Variants in ZNF335 observed in about 807,000 individuals in gnomAD.
The protein encoded by ZNF335 is zinc finger protein 335.
In ZNF335, 84 loss-of-function variants were observed where a neutral mutation model predicts 145.6. The ratio of observed to expected loss-of-function variants is 0.58; its 90% CI spans 0.48 to 0.69. The LOEUF (loss-of-function observed/expected upper bound fraction) is 0.69. Among genes scored for constraint, ZNF335 ranks in the 30% least tolerant of loss-of-function variants. The pLI, the probability that ZNF335 is intolerant of heterozygous loss-of-function variation, is 0.00. For synonymous variants in ZNF335, 761 were observed against 717.0 expected, an observed-to-expected ratio of 1.06 and a Z score of -0.98; for missense variants, 1,865 against 1,809.7, an observed-to-expected ratio of 1.03 and a Z score of -0.55.
At chr20:45,965,384 C>A (rs2083932207) in intron 7 of ZNF335, among the ~76,000 whole-genome samples, 1 of 152,188 alleles carries the variant, frequency 6.6e-6, no homozygotes, top group Non-Finnish European at 1.5e-5. Context: ...TCCCAAATTT[C>A]TCTTTTGCTA....
intron 9 of ZNF335, among the ~76,000 whole-genome samples, chr20:45,962,606 G>A (rs938479805): frequency 3.9e-5 from 6 of 152,146 alleles, no homozygotes; most frequent in Non-Finnish European, 7.3e-5. Context: ...GTGCCCGGAA[G>A]TACCCTCTCC....
chr20:45,969,653 C>G lies in ZNF335; in HGVS notation c.240G>C (p.Leu80=), dbSNP rs1192358975. The G allele has an allele frequency of 6.2e-7, 1 of 1,612,224 alleles. No homozygotes were observed. The highest frequency in any genetic ancestry group is 8.5e-7 in the Non-Finnish European group (1 of 1,179,254). ...VSESSSSADP[L]PNSYLPDSSS... ...ATGAATCAGGGAGGTAGCTATTAGGCAGGGGGTCTGCGCTCGAGCTGCTCT... is the reference window on the plus strand; with the variant it reads ...ATGAATCAGGGAGGTAGCTATTAGGGAGGGGGTCTGCGCTCGAGCTGCTCT... The change falls in exon 3 of 28, where the codon CTG becomes CTC. Residue 80 remains leucine (L), a synonymous_variant. Coordinates refer to ENST00000322927, the MANE Select transcript of ZNF335 (RefSeq NM_022095.4).
chr20:45,952,100 G>A (rs1308508477), intron 20 of ZNF335, 47 bp downstream of exon 20: 22 of 1,543,516 alleles, frequency 1.4e-5, no homozygotes, highest in Non-Finnish European at 1.8e-5. Flanking sequence ...ATACAAACGA[G>A]TAGCCCAATG....
rs2083992881 is a variant in ZNF335, at chr20:45,968,033, G to A, written c.521-6C>T. ...TGGTGATGTCATGGGGGCTCCTGGG[G>A]ATGGGTGAGGCAATTGGAGGGTGGT... On this transcript the variant is annotated splice_region_variant and splice_polypyrimidine_tract_variant and intron_variant, in intron 4 of 27. Transcript: ENST00000322927. 1 of 1,612,236 alleles carries A rather than the reference G, an allele frequency of 6.2e-7. No individual in the cohort carries two copies. The highest frequency in any genetic ancestry group is 1.3e-5 in the African/African-American group (1 of 74,902).
intron 4 of ZNF335, 49 bp downstream of exon 4, chr20:45,968,236 T>A (rs766846177): frequency 1.3e-6 from 2 of 1,582,176 alleles, no homozygotes; most frequent in South Asian, 1.1e-5. Flanking sequence ...TCCTCACCTA[T>A]CCCCCTGCCC....
chr20:45,965,839 T>C (rs1600545134), intron 6 of ZNF335, 65 bp from the exon 7 acceptor site: 1 of 1,525,968 alleles, frequency 6.6e-7, no homozygotes, highest in Non-Finnish European at 8.8e-7. Flanking sequence ...CCCTGACCCC[T>C]TGCCCAGCTC....
Position 45,963,863 on chromosome 20 carries a change from A to G in ZNF335, c.1230T>C (p.Pro410=). The G allele has an allele frequency of 6.2e-7, 1 of 1,611,330 alleles. No individual in the cohort carries two copies. The highest frequency in any genetic ancestry group is 8.5e-7 in the Non-Finnish European group (1 of 1,178,348). The change falls in exon 8 of 28, where the codon CCT becomes CCC. Residue 410 remains proline, a synonymous_variant. Coordinates refer to ENST00000322927, the MANE Select transcript of ZNF335 (RefSeq NM_022095.4). ...CTGACTGGCTCACACCAGCTTCCACAGGGGTCCTGCTCACCTTGCCCATGG... is the reference window on the plus strand; with the variant it reads ...CTGACTGGCTCACACCAGCTTCCACGGGGGTCCTGCTCACCTTGCCCATGG... The part of the protein sequence containing the change: ...LVAMGKVSRT[P]VEAGVSQSDA...
Position 45,950,081 on chromosome 20 carries a change from G to A in ZNF335, c.3488-12C>T, listed in dbSNP as rs749471336. 6.2e-6 allele frequency: 10 copies of A among 1,612,890 alleles called. No individual in the cohort carries two copies. The highest frequency in any genetic ancestry group is 4.0e-5 in the African/African-American group (3 of 74,916). On this transcript the variant is annotated splice_polypyrimidine_tract_variant and intron_variant, in intron 22 of 27. Coordinates refer to ENST00000322927, the MANE Select transcript of ZNF335 (RefSeq NM_022095.4). ...GGACTGGAGTGCAGCTGGGCAGAGA[G>A]GAGAGGATGCTCACCTGGGGTCCAG... is the stretch of plus-strand genomic sequence containing the variant.
In ZNF335 at chr20:45,967,943, G is replaced by A; in HGVS notation, c.605C>T (p.Ser202Phe). ...AIEALADGPT[S>F]TSTCLEAQGG... Reference sequence around the variant, plus strand: ...CTGTGCCTCCAGGCATGTGGATGTGGATGTGGGGCCATCTGCCAGGGCCTC... The same window carrying A: ...CTGTGCCTCCAGGCATGTGGATGTGAATGTGGGGCCATCTGCCAGGGCCTC... Residue 202 changes from serine (S) to phenylalanine (F), a missense_variant, in exon 5 of 28, where the codon TCC (serine) becomes TTC (phenylalanine). Ser to Phe is a radical substitution (Grantham distance 155). Coordinates refer to ENST00000322927, the MANE Select transcript of ZNF335 (RefSeq NM_022095.4). 1 of 1,612,888 alleles carries A rather than the reference G, an allele frequency of 6.2e-7. No homozygotes were observed. Among genetic ancestry groups the A allele is most frequent in the Non-Finnish European group, 8.5e-7 (1 of 1,179,958 alleles).
chr20:45,971,660 T>C (rs775418503), intron 1 of ZNF335, 200 bp from the exon 2 acceptor site: 218 of 985,354 alleles, frequency 2.2e-4, no homozygotes, highest in Non-Finnish European at 2.5e-4. Context: ...CTAAGGCCCT[T>C]CCCGGGAGGG....
Position 45,952,667 on chromosome 20 carries a change from AC to A in ZNF335, c.2744del (p.Ser915MetfsTer4). On this transcript the variant is annotated frameshift_variant, in exon 19 of 28. Transcript: ENST00000322927. LOFTEE classifies it high-confidence loss of function. ...AGEAAQAVVV[S>X]DTLKEAGTHY... ...GGGTGCCAGCTTCTTTTAGGGTGTCACTCACAACCACAGCCTGGGCTGCCTC... is the reference window on the plus strand; with the variant it reads ...GGGTGCCAGCTTCTTTTAGGGTGTCATCACAACCACAGCCTGGGCTGCCTC... 1 of 1,613,246 alleles carries A rather than the reference AC, an allele frequency of 6.2e-7. No individual in the cohort carries two copies. Among genetic ancestry groups the A allele is most frequent in the Non-Finnish European group, 8.5e-7 (1 of 1,179,644 alleles).
At chr20:45,967,342 T>C in intron 6 of ZNF335, 152 bp downstream of exon 6, 1 of 1,197,480 alleles carries the variant, frequency 8.4e-7, no homozygotes, top group Non-Finnish European at 1.2e-6. Context: ...ACAGAAGTCC[T>C]GGTCCCAGAG....
In ZNF335 at chr20:45,950,225, G is replaced by C; in HGVS notation, c.3481C>G (p.Leu1161Val). The change falls in exon 22 of 28, where the codon CTG becomes GTG. Residue 1161 changes from leucine to valine, a missense_variant. Leu to Val is a conservative substitution (Grantham distance 32). Transcript: ENST00000322927. ...GGCCCCAGGGGCAGCTCACTGTGCA[G>C]GGTGGCCAGTGTTTCGTCATCACTG... ...LNSDDETLATLHTALQSSHGV... is the reference protein window; with the variant it reads ...LNSDDETLATVHTALQSSHGV... 1.9e-6 allele frequency: 3 copies of C among 1,548,576 alleles called. No individual in the cohort carries two copies. Among genetic ancestry groups the C allele is most frequent in the Non-Finnish European group, 2.6e-6 (3 of 1,147,000 alleles).
At chr20:45,963,069 T>G (rs2083878819) in intron 9 of ZNF335, among the ~76,000 whole-genome samples, 1 of 152,144 alleles carries the variant, frequency 6.6e-6, no homozygotes. Flanking sequence ...TGCCTCAGCC[T>G]CGCAAAGTGC....
At position 45,957,329 on chromosome 20, in the gene ZNF335, G is replaced by A. The variant is rs370259213; in HGVS notation, c.2442+257C>T. 6.6e-5 allele frequency among the ~76,000 whole-genome samples: 10 copies of A among 152,288 alleles called. No individual in the cohort carries two copies. In the East Asian group the frequency reaches 1.3e-3, roughly 21 times the overall value. Reference sequence around the variant, plus strand: ...AAGAACAGGGCCCCAGATGCCGCAGGGGCAGTGTGTACTGCTCCACCTGGC... The same window carrying A: ...AAGAACAGGGCCCCAGATGCCGCAGAGGCAGTGTGTACTGCTCCACCTGGC... On this transcript the variant is annotated intron_variant, in intron 17 of 27. Coordinates refer to ENST00000322927, the MANE Select transcript of ZNF335 (RefSeq NM_022095.4).
At chr20:45,957,019 A>G (rs2083740989) in intron 17 of ZNF335, among the ~76,000 whole-genome samples, 8 of 152,010 alleles carry the variant, frequency 5.3e-5, no homozygotes, top group Admixed American at 5.2e-4. Context: ...TCTTCTCATG[A>G]GGCTGGGAAA....
Position 45,959,303 on chromosome 20 carries a change from G to A in ZNF335, c.2151C>T (p.Pro717=). 1 of 1,568,228 alleles carries A rather than the reference G, an allele frequency of 6.4e-7. No individual in the cohort carries two copies. The highest frequency in any genetic ancestry group is 8.7e-7 in the Non-Finnish European group (1 of 1,153,368). Residue 717 remains proline, a synonymous_variant, in exon 15 of 28, where the codon CCC becomes CCT. Transcript: ENST00000322927. ...GAGAGAAGAAGGGGCGACGGCGGGA[G>A]GGGGGCTCCTCAGGGTGGCGCCTCC... ...EWGRRHPEEP[P]SRRRPFFSLQ...
chr20:45,954,900 T>C lies in ZNF335; in HGVS notation c.2443-952A>G, dbSNP rs1568810995. Among the ~76,000 whole-genome samples, 6 of 151,278 alleles carry C rather than the reference T, an allele frequency of 4.0e-5. No individual in the cohort carries two copies. The South Asian group carries it at 1.0e-3, about 26-fold the overall frequency. On this transcript the variant is annotated intron_variant, in intron 17 of 27. Coordinates refer to ENST00000322927, the MANE Select transcript of ZNF335 (RefSeq NM_022095.4). ...CTCCCACCTCAGCCTCTCAAGTAGC[T>C]GGTACTACAGGCATGCATTGCCACA...
chr20:45,962,806 TTTTTTTTTGTTTGTTTG>T (rs1367398042), intron 9 of ZNF335, among the ~76,000 whole-genome samples: 2 of 103,176 alleles, frequency 1.9e-5, no homozygotes, highest in African/African-American at 8.5e-5. Context: ...GAACCGTTTT[TTTTTTTTTGTTTGTTTG>T]TTTTTTTGAG....
Sources: allele counts gnomAD v4.1 joint callset (sites outside exome capture counted in the v4.1 genomes callset), GRCh38; gene constraint gnomAD v4.1.1; transcripts MANE v1.5; gene names NCBI Gene and HGNC (gene_info 2026-07-23, HGNC 2026-07-21).